Variants in CDKAL1 observed in about 807,000 individuals in gnomAD.
The protein encoded by CDKAL1 is CDKAL1 threonylcarbamoyladenosine tRNA methylthiotransferase, also known as threonylcarbamoyladenosine tRNA methylthiotransferase.
CDKAL1 carries 32 observed loss-of-function variants against 68.2 expected under a neutral mutation model. The ratio of observed to expected loss-of-function variants is 0.47; its 90% CI spans 0.35 to 0.63. CDKAL1 has a LOEUF of 0.63. Among genes scored for constraint, CDKAL1 ranks in the 30% least tolerant of loss-of-function variants. The pLI is 0.00. For missense variants in CDKAL1, 606 were observed against 696.7 expected (o/e 0.87, Z 1.47); for synonymous variants, 234 against 244.3 (o/e 0.96, Z 0.39).
At chr6:21,089,386 A>C (rs1270894161) in intron 12 of CDKAL1, among the ~76,000 whole-genome samples, 1 of 152,174 alleles carries the variant, frequency 6.6e-6, no homozygotes, top group Non-Finnish European at 1.5e-5. Context: ...CTGAGGCAGG[A>C]GGATCACTGG....
chr6:20,732,444 T>TA (rs1397663563), intron 5 of CDKAL1, among the ~76,000 whole-genome samples: 1 of 149,964 alleles, frequency 6.7e-6, no homozygotes, highest in Non-Finnish European at 1.5e-5. Context: ...CCTGGCTATT[T>TA]TTTTTTTTTT....
chr6:21,163,863 A>G (rs1204885351), intron 13 of CDKAL1, among the ~76,000 whole-genome samples: 1 of 152,130 alleles, frequency 6.6e-6, no homozygotes, highest in African/African-American at 2.4e-5. Flanking sequence ...AGGCAGGAGA[A>G]TCCCTTGAAC....
chr6:20,697,221 T>G (rs1771145478), intron 5 of CDKAL1, among the ~76,000 whole-genome samples: 1 of 152,162 alleles, frequency 6.6e-6, no homozygotes, highest in Non-Finnish European at 1.5e-5. Context: ...CAAACTTTAT[T>G]GAGATGAGCA....
intron 8 of CDKAL1, among the ~76,000 whole-genome samples, chr6:20,808,397 G>T (rs112820285): frequency 5.3e-5 from 8 of 152,168 alleles, no homozygotes; most frequent in African/African-American, 1.9e-4. Context: ...AGGAAGTCTG[G>T]TGATGAAAAA....
intron 5 of CDKAL1, among the ~76,000 whole-genome samples, chr6:20,673,117 A>T (rs1315535465): frequency 6.6e-6 from 1 of 152,180 alleles, no homozygotes; most frequent in Admixed American, 6.5e-5. Context: ...GAGAACTGAT[A>T]GTTTTAGGAG....
At chr6:20,946,593 C>CTTTTTT (rs11361870) in intron 9 of CDKAL1, among the ~76,000 whole-genome samples, 5 of 91,234 alleles carry the variant, frequency 5.5e-5, no homozygotes, top group African/African-American at 2.0e-4. Flanking sequence ...CAATCCATAC[C>CTTTTTT]TTTTTTTTTT....
At chr6:21,223,748 G>A (rs576066673) in intron 15 of CDKAL1, among the ~76,000 whole-genome samples, 10 of 152,242 alleles carry the variant, frequency 6.6e-5, no homozygotes, top group South Asian at 6.2e-4. Flanking sequence ...CCTTTCCCTC[G>A]GAGTCTTGTC....
chr6:21,079,786 A>G (rs1331507250), intron 12 of CDKAL1, among the ~76,000 whole-genome samples: 5 of 152,182 alleles, frequency 3.3e-5, no homozygotes, highest in Non-Finnish European at 7.3e-5. Flanking sequence ...TCTACTCTGA[A>G]GTAGAAACAC....
At chr6:20,732,736 A>G (rs1388243386) in intron 5 of CDKAL1, among the ~76,000 whole-genome samples, 3 of 151,992 alleles carry the variant, frequency 2.0e-5, no homozygotes, top group Non-Finnish European at 4.4e-5. Flanking sequence ...CACCACAGTC[A>G]CCATTTTCTA....
At chr6:20,967,778 T>C (rs1003682172) in intron 10 of CDKAL1, among the ~76,000 whole-genome samples, 4 of 152,264 alleles carry the variant, frequency 2.6e-5, no homozygotes, top group Admixed American at 2.6e-4. Flanking sequence ...TAGCATTTCT[T>C]GAGAGGCAGA....
chr6:20,773,609 G>A (rs1479452580), intron 7 of CDKAL1, among the ~76,000 whole-genome samples: 1 of 151,762 alleles, frequency 6.6e-6, no homozygotes, highest in African/African-American at 2.4e-5. Context: ...GTGCAGTGGC[G>A]CGATCTCGGC....
chr6:20,857,417 C>T (rs754981537), intron 9 of CDKAL1, among the ~76,000 whole-genome samples: 8 of 152,164 alleles, frequency 5.3e-5, no homozygotes, highest in African/African-American at 1.9e-4. Context: ...GATTTGTTGA[C>T]TTTTAGTTAA....
intron 11 of CDKAL1, among the ~76,000 whole-genome samples, chr6:21,060,540 T>A (rs1232707682): frequency 2.0e-5 from 3 of 152,128 alleles, no homozygotes; most frequent in African/African-American, 7.2e-5. Context: ...TTTCTTATTT[T>A]ACCTTTATTA....
At chr6:20,987,100 T>G (rs1279080382) in intron 10 of CDKAL1, among the ~76,000 whole-genome samples, 6 of 152,204 alleles carry the variant, frequency 3.9e-5, no homozygotes, top group Non-Finnish European at 5.9e-5. Context: ...CTTCACTGAC[T>G]CAAAAGGACA....
chr6:20,534,769 C>T (rs756115717), intron 1 of CDKAL1, among the ~76,000 whole-genome samples, 195 bp downstream of exon 1: 2 of 152,158 alleles, frequency 1.3e-5, no homozygotes, highest in Non-Finnish European at 2.9e-5. Flanking sequence ...GGGTCGTTGG[C>T]CTCAGGTGCC....
Position 20,663,278 on chromosome 6 carries a change from C to T in CDKAL1, c.371+13901C>T, listed in dbSNP as rs564675462. 1.3e-4 allele frequency among the ~76,000 whole-genome samples: 19 copies of T among 151,888 alleles called. No individual in the cohort carries two copies. In the East Asian group the frequency reaches 3.7e-3, roughly 29 times the overall value. On this transcript the variant is annotated intron_variant, in intron 5 of 15. Transcript: ENST00000274695. ...ATACTGCACACATTGTTGCTCCCAA[C>T]AGAATTGGGATTCTGTTAGTAAGGG...
chr6:21,102,782 A>C (rs576777243), intron 12 of CDKAL1, among the ~76,000 whole-genome samples: 3 of 152,146 alleles, frequency 2.0e-5, no homozygotes, highest in African/African-American at 7.2e-5. Context: ...TTTTTGCCTC[A>C]GGCACTCCTG....
intron 13 of CDKAL1, among the ~76,000 whole-genome samples, chr6:21,132,450 T>C (rs1192987096): frequency 6.6e-6 from 1 of 152,188 alleles, no homozygotes; most frequent in Non-Finnish European, 1.5e-5. Context: ...AAGGAGATGC[T>C]GAAATTTTAA....
intron 8 of CDKAL1, among the ~76,000 whole-genome samples, chr6:20,810,678 A>G (rs184127580): frequency 3.0e-5 from 1 of 33,484 alleles, no homozygotes; most frequent in Non-Finnish European, 7.3e-5. Context: ...TATATTGCTA[A>G]AAAAAAAAAG....
Sources: allele counts gnomAD v4.1 joint callset (sites outside exome capture counted in the v4.1 genomes callset), GRCh38; gene constraint gnomAD v4.1.1; transcripts MANE v1.5; gene names NCBI Gene and HGNC (gene_info 2026-07-23, HGNC 2026-07-21).